The following EP300 variants were observed in gnomAD, a reference collection of about 807,000 sequenced individuals.
EP300 encodes the protein histone acetyltransferase p300.
In EP300, 31 loss-of-function variants were observed where a neutral mutation model predicts 264.0. The observed-to-expected ratio is 0.12, with a 90% CI of 0.09 to 0.16. The LOEUF is 0.16. Ranked by LOEUF, EP300 falls within the 10% of genes least tolerant of loss-of-function variation. EP300 has a pLI of 1.00. For missense variants in EP300, 2,766 were observed against 3,052.9 expected (o/e 0.91, Z 2.21); for synonymous variants, 1,340 against 1,045.4 (o/e 1.28, Z -5.44).
chr22:41,162,632 T>C (rs1186518993), intron 20 of EP300, 91 bp from the exon 21 acceptor site: 9 of 990,372 alleles, frequency 9.1e-6, no homozygotes, highest in Non-Finnish European at 1.1e-5. Flanking sequence ...TGAATCTCTA[T>C]ATAGGGTGAA....
At chr22:41,160,858 A>G in intron 20 of EP300, 136 bp downstream of exon 20, 1 of 774,746 alleles carries the variant, frequency 1.3e-6, no homozygotes, top group Non-Finnish European at 2.2e-6. Context: ...TTAAATGCAT[A>G]TTAATTTAAA....
rs371344329 is a variant in EP300, at chr22:41,177,249, C to T, written c.5538C>T (p.Gly1846=). Residue 1846 remains glycine (G), a synonymous_variant, in exon 31 of 31, where the codon GGC becomes GGT. Transcript: ENST00000263253. Reference sequence around the variant, plus strand: ...CTGGTGTGGTTGGGCAGCAACAGGGCCTCCCTTCCCCCACTCCTGCCACTC... The same window carrying T: ...CTGGTGTGGTTGGGCAGCAACAGGGTCTCCCTTCCCCCACTCCTGCCACTC... The part of the protein sequence containing the change: ...QRTGVVGQQQ[G]LPSPTPATPT... The T allele has an allele frequency of 5.6e-6, 9 of 1,614,058 alleles. No individual in the cohort carries two copies. The highest frequency in any genetic ancestry group is 2.2e-5 in the East Asian group (1 of 44,874).
At chr22:41,103,390 G>T (rs2058742115) in intron 1 of EP300, among the ~76,000 whole-genome samples, 1 of 152,188 alleles carries the variant, frequency 6.6e-6, no homozygotes, top group African/African-American at 2.4e-5. Context: ...GCCTTCTGCT[G>T]TCAGAGACTT....
intron 1 of EP300, among the ~76,000 whole-genome samples, chr22:41,109,757 G>GTT (rs796827159): frequency 1.4e-5 from 2 of 143,880 alleles, no homozygotes; most frequent in Admixed American, 7.0e-5. Flanking sequence ...GATGGAGTTG[G>GTT]TTTTTTTTTT....
intron 1 of EP300, among the ~76,000 whole-genome samples, chr22:41,114,836 C>A (rs1473513167): frequency 3.5e-5 from 5 of 142,710 alleles, no homozygotes; most frequent in Non-Finnish European, 6.2e-5. Flanking sequence ...AAAAAAAAAA[C>A]TACAAGAAGA....
At chr22:41,120,692 A>T (rs1447768713) in intron 2 of EP300, among the ~76,000 whole-genome samples, 1 of 152,154 alleles carries the variant, frequency 6.6e-6, no homozygotes, top group Non-Finnish European at 1.5e-5. Context: ...TAGATTCAGC[A>T]TAAACTAATC....
chr22:41,128,064 G>C (rs1338184794), intron 4 of EP300, among the ~76,000 whole-genome samples: 2 of 152,144 alleles, frequency 1.3e-5, no homozygotes, highest in East Asian at 3.9e-4. Flanking sequence ...GACTAAGAAG[G>C]CTGAGGAAGG....
intron 19 of EP300, chr22:41,160,217 T>A: frequency 4.3e-6 from 1 of 231,488 alleles, no homozygotes; most frequent in East Asian, 1.1e-4. Context: ...AAACATTTGC[T>A]TTTATTTGCA....
chr22:41,113,642 G>A (rs1431419850), intron 1 of EP300, among the ~76,000 whole-genome samples: 1 of 152,146 alleles, frequency 6.6e-6, no homozygotes, highest in Admixed American at 6.5e-5. Context: ...TGTCTCCCGG[G>A]TTCATGCCAT....
intron 22 of EP300, 76 bp downstream of exon 22, chr22:41,164,206 T>C (rs1569113966): frequency 9.5e-6 from 12 of 1,264,202 alleles, no homozygotes; most frequent in South Asian, 2.4e-5. Context: ...TTCTATGCAA[T>C]TGACTGTATT....
intron 9 of EP300, 90 bp from the exon 10 acceptor site, chr22:41,140,958 C>A: frequency 8.0e-7 from 1 of 1,251,096 alleles, no homozygotes; most frequent in South Asian, 1.4e-5. Flanking sequence ...TAAAATGAAA[C>A]TAATATCTAT....
intron 20 of EP300, among the ~76,000 whole-genome samples, chr22:41,161,703 A>C (rs1474437142): frequency 6.6e-6 from 1 of 152,114 alleles, no homozygotes; most frequent in Non-Finnish European, 1.5e-5. Context: ...AGAAGGAAAA[A>C]CTGTTCAGTG....
intron 28 of EP300, among the ~76,000 whole-genome samples, chr22:41,173,039 A>G (rs34711608): frequency 0.074 from 11,211 of 152,260 alleles, 560 homozygotes; most frequent in East Asian, 0.17. Flanking sequence ...TTTTAAATGT[A>G]AAAAACCATT....
intron 23 of EP300, among the ~76,000 whole-genome samples, chr22:41,167,578 GTGTGTGTATA>G (rs1256722157): frequency 1.0e-3 from 29 of 27,670 alleles, no homozygotes; most frequent in Admixed American, 2.6e-3. Flanking sequence ...GTGTGTGTGT[GTGTGTGTATA>G]TATATATATA....
intron 1 of EP300, chr22:41,108,143 C>G (rs531363677): frequency 2.0e-5 from 3 of 151,976 alleles, no homozygotes; most frequent in Admixed American, 2.0e-4. Context: ...CTAGTTTCCA[C>G]GTGTTTAATC....
chr22:41,167,332 G>GCC (rs778716683), intron 23 of EP300, among the ~76,000 whole-genome samples: 97 of 151,866 alleles, frequency 6.4e-4, no homozygotes, highest in Non-Finnish European at 1.0e-3. Flanking sequence ...CTACCTTTTG[G>GCC]CCTTATGTGA....
chr22:41,126,673 G>A (rs1442363394), intron 3 of EP300, among the ~76,000 whole-genome samples: 1 of 143,946 alleles, frequency 6.9e-6, no homozygotes, highest in Non-Finnish European at 1.5e-5. Context: ...ACTCTGCCAA[G>A]TACTGGAGTT....
At chr22:41,173,005 TTCTG>T (rs1569118671) in intron 28 of EP300, among the ~76,000 whole-genome samples, 2 of 152,172 alleles carry the variant, frequency 1.3e-5, no homozygotes, top group South Asian at 2.1e-4. Context: ...CTGGCATATT[TTCTG>T]TCTTTTAAAA....
At chr22:41,129,216 T>A (rs2058901851) in intron 4 of EP300, among the ~76,000 whole-genome samples, 1 of 151,940 alleles carries the variant, frequency 6.6e-6, no homozygotes, top group East Asian at 1.9e-4. Flanking sequence ...TTTCACTGTG[T>A]TAGCCAGGAT....
Sources: gnomAD v4.1 joint callset for allele counts (sites outside exome capture counted in the v4.1 genomes callset) on GRCh38, gnomAD v4.1.1 for gene constraint, MANE v1.5 for transcripts, NCBI Gene and HGNC (gene_info 2026-07-23, HGNC 2026-07-21) for gene names.